The following KLHDC10 variants were observed in gnomAD, a reference collection of about 807,000 sequenced individuals.
The protein encoded by KLHDC10 is kelch domain-containing protein 10.
In KLHDC10, 24 loss-of-function variants were observed where a neutral mutation model predicts 56.1. The observed-to-expected ratio is 0.43, with a 90% CI of 0.31 to 0.60. The LOEUF (loss-of-function observed/expected upper bound fraction) is 0.60. Ranked by LOEUF, KLHDC10 falls within the 20% of genes least tolerant of loss-of-function variation. KLHDC10 has a pLI of 0.11. For synonymous variants in KLHDC10, 188 were observed against 207.1 expected (o/e 0.91, Z 0.79); for missense variants, 349 against 567.0 (o/e 0.62, Z 3.91).
chr7:130,089,606 A>T (rs1315882331), intron 1 of KLHDC10, among the ~76,000 whole-genome samples: 2 of 152,184 alleles, frequency 1.3e-5, no homozygotes, highest in African/African-American at 4.8e-5. Flanking sequence ...GCCATTGTGA[A>T]ATTTTAAAAA....
intron 2 of KLHDC10, among the ~76,000 whole-genome samples, chr7:130,110,513 G>A (rs1305118851): frequency 6.6e-6 from 1 of 152,162 alleles, no homozygotes; most frequent in East Asian, 1.9e-4. Flanking sequence ...TAACCAACAA[G>A]TAATATTGTG....
intron 1 of KLHDC10, among the ~76,000 whole-genome samples, chr7:130,087,143 A>G (rs1248236631): frequency 6.6e-6 from 1 of 152,212 alleles, no homozygotes; most frequent in Non-Finnish European, 1.5e-5. Context: ...AAGTCCCTGC[A>G]CCATGCTGCA....
chr7:130,121,255 A>G (rs1247903920), intron 4 of KLHDC10, among the ~76,000 whole-genome samples: 1 of 152,094 alleles, frequency 6.6e-6, no homozygotes, highest in African/African-American at 2.4e-5. Flanking sequence ...GGTCCTGGTC[A>G]TTTTTAGAGT....
intron 3 of KLHDC10, among the ~76,000 whole-genome samples, chr7:130,119,234 G>A (rs1796213578): frequency 1.3e-5 from 2 of 151,446 alleles, no homozygotes; most frequent in South Asian, 4.2e-4. Context: ...ATAAAGGCTA[G>A]GTGTGGTGCC....
intron 1 of KLHDC10, among the ~76,000 whole-genome samples, chr7:130,091,583 T>C (rs1010437674): frequency 2.6e-5 from 4 of 152,220 alleles, no homozygotes; most frequent in African/African-American, 9.6e-5. Context: ...TTCATCAATA[T>C]CTATATTAGT....
chr7:130,122,335 G>GGTA (rs1279673335), intron 5 of KLHDC10, 133 bp downstream of exon 5: 11 of 780,624 alleles, frequency 1.4e-5, no homozygotes, highest in African/African-American at 1.8e-5. Flanking sequence ...TTAGATCTCA[G>GGTA]GTAAATAGTA....
intron 1 of KLHDC10, among the ~76,000 whole-genome samples, chr7:130,086,963 G>A (rs1795699986): frequency 6.6e-6 from 1 of 152,086 alleles, no homozygotes; most frequent in African/African-American, 2.4e-5. Flanking sequence ...AATAATATTA[G>A]CCAGGGATTT....
intron 1 of KLHDC10, among the ~76,000 whole-genome samples, chr7:130,085,833 C>CAAAAAAAAAAAAAAAAAAAAAAATAAAAA (rs1563097827): frequency 1.2e-5 from 1 of 86,308 alleles, no homozygotes; most frequent in Non-Finnish European, 2.3e-5. Context: ...GACTCTTTCT[C>CAAAAAAAAAAAAAAAAAAAAAAATAAAAA]AAAAAAAAAA....
intron 1 of KLHDC10, among the ~76,000 whole-genome samples, chr7:130,080,396 C>T (rs964745816): frequency 6.6e-6 from 1 of 151,924 alleles, no homozygotes; most frequent in African/African-American, 2.4e-5. Flanking sequence ...TTATATCATA[C>T]TTCTTAGTTT....
At chr7:130,076,688 A>T (rs1217648678) in intron 1 of KLHDC10, among the ~76,000 whole-genome samples, 1 of 152,210 alleles carries the variant, frequency 6.6e-6, no homozygotes, top group East Asian at 1.9e-4. Flanking sequence ...ATGGCTGCCC[A>T]GTTATGGCAG....
chr7:130,082,954 A>C (rs1214328947), intron 1 of KLHDC10, among the ~76,000 whole-genome samples: 1 of 152,120 alleles, frequency 6.6e-6, no homozygotes, highest in African/African-American at 2.4e-5. Context: ...TTTATCTGCC[A>C]CTTAATATTG....
chr7:130,072,900 C>A (rs969651969), intron 1 of KLHDC10, among the ~76,000 whole-genome samples: 4 of 151,946 alleles, frequency 2.6e-5, no homozygotes, highest in African/African-American at 9.7e-5. Flanking sequence ...AAATTACAGG[C>A]GCCCACCACC....
At chr7:130,125,599 A>G (rs912458219) in intron 6 of KLHDC10, among the ~76,000 whole-genome samples, 4 of 152,208 alleles carry the variant, frequency 2.6e-5, no homozygotes, top group African/African-American at 9.6e-5. Context: ...CAACTGCCTC[A>G]TTTAATGTTT....
rs144059999 is a variant in KLHDC10, at chr7:130,125,898, G to A, written c.898G>A (p.Glu300Lys). 1 of 1,602,850 alleles carries A rather than the reference G, an allele frequency of 6.2e-7. No individual in the cohort carries two copies. The highest frequency in any genetic ancestry group is 8.5e-7 in the Non-Finnish European group (1 of 1,177,250). Residue 300 changes from glutamate to lysine, a missense_variant, in exon 7 of 10, where the codon GAG (glutamate) becomes AAG (lysine). This residue lies in a region of KLHDC10 where 245 missense variants were observed against 470.1 expected (regional missense o/e 0.52). Coordinates refer to ENST00000335420, the MANE Select transcript of KLHDC10 (RefSeq NM_014997.4). ...ATACAACCTTGAAACGAATGCCTGG[G>A]AGGAAATTGCAACAAAACCCCATGA... ...HAYNLETNAW[E>K]EIATKPHEKI... is the part of the protein sequence containing the mutation.
chr7:130,072,673 G>T (rs1361871049), intron 1 of KLHDC10, among the ~76,000 whole-genome samples: 1 of 152,120 alleles, frequency 6.6e-6, no homozygotes, highest in African/African-American at 2.4e-5. Context: ...GATTTTAAAA[G>T]ATTTTAGGTG....
chr7:130,090,112 C>T (rs1443728827), intron 1 of KLHDC10, among the ~76,000 whole-genome samples: 1 of 152,090 alleles, frequency 6.6e-6, no homozygotes, highest in Non-Finnish European at 1.5e-5. Context: ...AACTCCTGAC[C>T]TCAGGTGATC....
chr7:130,077,582 G>T (rs2116838346), intron 1 of KLHDC10, among the ~76,000 whole-genome samples: 2 of 122,476 alleles, frequency 1.6e-5, no homozygotes, highest in Non-Finnish European at 3.3e-5. Flanking sequence ...TTGAGACGGA[G>T]TCTTGCTCTG....
chr7:130,079,710 C>A (rs1046076733), intron 1 of KLHDC10, among the ~76,000 whole-genome samples: 1 of 137,328 alleles, frequency 7.3e-6, no homozygotes, highest in Non-Finnish European at 1.6e-5. Context: ...AGCTTGCCTG[C>A]CTGCCTGCCT....
chr7:130,070,863 C>A, intron 1 of KLHDC10, 54 bp downstream of exon 1: 3 of 1,246,202 alleles, frequency 2.4e-6, no homozygotes, highest in Non-Finnish European at 3.1e-6. Context: ...TGACTGCTAC[C>A]TTTTCTTTTT....
Sources: gnomAD v4.1 joint callset for allele counts (sites outside exome capture counted in the v4.1 genomes callset) on GRCh38, gnomAD v4.1.1 for gene constraint, gnomAD v4.1.1 regional missense constraint, MANE v1.5 for transcripts, NCBI Gene and HGNC (gene_info 2026-07-23, HGNC 2026-07-21) for gene names.